The following CTSB variants were observed in gnomAD, a reference collection of about 807,000 sequenced individuals.
CTSB encodes the protein APP secretase.
A neutral mutation model predicts 44.3 loss-of-function variants in CTSB; 57 were observed. The observed-to-expected ratio is 1.29, with a 90% CI of 1.04 to 1.60. The LOEUF is 1.60. Ranked by LOEUF, CTSB falls within the 40% of genes most tolerant of loss-of-function variation. The pLI is 0.00. For missense variants in CTSB, 768 were observed against 443.0 expected (o/e 1.73, Z -6.59); for synonymous variants, 320 against 168.0 (o/e 1.91, Z -7.00).
At chr8:11,860,581 A>G (rs1586184967) in intron 1 of CTSB, among the ~76,000 whole-genome samples, 1 of 152,172 alleles carries the variant, frequency 6.6e-6, no homozygotes, top group South Asian at 2.1e-4. Flanking sequence ...CTGAGATCGC[A>G]CCATTGCACT....
Position 11,849,027 on chromosome 8 carries a change from G to A in CTSB, c.446+19C>T, listed in dbSNP as rs776642185. The A allele has an allele frequency of 6.3e-7, 1 of 1,586,630 alleles. No homozygotes were observed. Among genetic ancestry groups the A allele is most frequent in the Non-Finnish European group, 8.6e-7 (1 of 1,156,294 alleles). ...GTCTCTCAGCACTAAACCCGCTGTG[G>A]AAGCACAGCCTGACTCACCCGTCCC... On this transcript the variant is annotated intron_variant, in intron 5 of 9. Coordinates refer to ENST00000353047, the MANE Select transcript of CTSB (RefSeq NM_001908.5).
intron 1 of CTSB, among the ~76,000 whole-genome samples, chr8:11,860,213 C>T (rs1438937758): frequency 6.6e-6 from 1 of 152,196 alleles, no homozygotes; most frequent in African/African-American, 2.4e-5. Flanking sequence ...TAGCTCCTGG[C>T]TGATAGACAA....
At chr8:11,862,541 G>T (rs972754424) in intron 1 of CTSB, 4 of 152,228 alleles carry the variant, frequency 2.6e-5, no homozygotes, top group African/African-American at 7.2e-5. Flanking sequence ...AAGTTGATTT[G>T]TTCTGCTGTC....
At chr8:11,859,516 T>C (rs1437063450) in intron 1 of CTSB, among the ~76,000 whole-genome samples, 1 of 151,980 alleles carries the variant, frequency 6.6e-6, no homozygotes, top group Non-Finnish European at 1.5e-5. Context: ...ATCCCAGCGC[T>C]TTGGGAGGTC....
At chr8:11,866,478 C>G (rs1402476943) in intron 1 of CTSB, among the ~76,000 whole-genome samples, 1 of 152,240 alleles carries the variant, frequency 6.6e-6, no homozygotes, top group Non-Finnish European at 1.5e-5. Context: ...CCTCTGTTCT[C>G]CAGGAGACGT....
At chr8:11,862,549 G>C (rs1816589420) in intron 1 of CTSB, 1 of 152,250 alleles carries the variant, frequency 6.6e-6, no homozygotes, top group African/African-American at 2.4e-5. Context: ...TTGTTCTGCT[G>C]TCTTGACTGC....
chr8:11,865,951 G>A (rs187920755), intron 1 of CTSB, among the ~76,000 whole-genome samples: 120 of 149,834 alleles, frequency 8.0e-4, no homozygotes, highest in African/African-American at 2.6e-3. Flanking sequence ...CATGAGAGGC[G>A]GAGGTGGCAG....
In CTSB at chr8:11,845,128, G is replaced by C. The variant is rs752622133; in HGVS notation, c.1017C>G (p.Ile339Met). 3 of 1,610,522 alleles carry C rather than the reference G, an allele frequency of 1.9e-6. No homozygotes were observed. Among genetic ancestry groups the C allele is most frequent in the Admixed American group, 1.7e-5 (1 of 60,012 alleles). The change falls in exon 10 of 10, where the codon ATC becomes ATG. Residue 339 changes from isoleucine to methionine, a missense_variant. By Grantham distance (10) the Ile-to-Met change is conservative (BLOSUM62 1). Transcript: ENST00000353047. Reference sequence around the variant, plus strand: ...GGCACGACAGGCCCACGGCAGATTAGATCTTTTCCCAGTACTGATCGGTGC... The same window carrying C: ...GGCACGACAGGCCCACGGCAGATTACATCTTTTCCCAGTACTGATCGGTGC... Reference protein sequence around the residue: ...IPRTDQYWEKI With the variant: ...IPRTDQYWEKM
intron 1 of CTSB, among the ~76,000 whole-genome samples, chr8:11,856,191 T>A (rs1586161626): frequency 7.7e-6 from 1 of 129,806 alleles, no homozygotes; most frequent in Admixed American, 7.5e-5. Flanking sequence ...GTGCCTGGGG[T>A]GGGTGGGCAC....
intron 8 of CTSB, chr8:11,846,201 TGAGGGA>T (rs1813301773): frequency 6.5e-6 from 1 of 152,748 alleles, no homozygotes; most frequent in Non-Finnish European, 1.5e-5. Context: ...CCTGAAGAGG[TGAGGGA>T]GGAGAAGGGA....
intron 8 of CTSB, chr8:11,846,212 A>C (rs978754944): frequency 6.5e-6 from 1 of 152,938 alleles, no homozygotes; most frequent in African/African-American, 2.4e-5. Context: ...GAGGGAGGAG[A>C]AGGGAGGACT....
chr8:11,859,864 G>A (rs1816127764), intron 1 of CTSB, among the ~76,000 whole-genome samples: 1 of 150,794 alleles, frequency 6.6e-6, no homozygotes, highest in Non-Finnish European at 1.5e-5. Flanking sequence ...CACGAGGTCA[G>A]GAGTTCAAGA....
chr8:11,859,319 A>G (rs1816011433), intron 1 of CTSB, among the ~76,000 whole-genome samples: 1 of 152,110 alleles, frequency 6.6e-6, no homozygotes, highest in Non-Finnish European at 1.5e-5. Context: ...GACTACCTTG[A>G]AGCCGTTTCC....
intron 5 of CTSB, chr8:11,848,354 C>A (rs760530612): frequency 4.4e-6 from 3 of 680,670 alleles, no homozygotes; most frequent in Non-Finnish European, 8.1e-6. Context: ...CCGCCAGCCC[C>A]ACCCCTGCCC....
At chr8:11,855,878 T>C (rs1372874149) in intron 1 of CTSB, among the ~76,000 whole-genome samples, 1 of 151,596 alleles carries the variant, frequency 6.6e-6, no homozygotes, top group African/African-American at 2.4e-5. Context: ...ATTACCCAGG[T>C]GTGGTGGCAG....
rs866403940 is a variant in CTSB at position 11,842,790 on chromosome 8, G to T, written c.*2335C>A. 1 of 142,920 alleles carries T rather than the reference G, an allele frequency of 7.0e-6. No individual in the cohort carries two copies. The highest frequency in any genetic ancestry group is 2.6e-5 in the African/African-American group (1 of 38,252). The allele number at this position is 142,920 out of a possible 1,614,324, so 8.9% of individuals were successfully genotyped here. ...TAGCTGGGATTACAGGCATGTGCCA[G>T]CATGCTTGGCTAATTTTGTATTTTT... On this transcript the variant is annotated 3_prime_UTR_variant, in exon 10 of 10. Transcript: ENST00000353047.
intron 5 of CTSB, 102 bp from the exon 6 acceptor site, chr8:11,848,254 C>T (rs1321292536): frequency 2.0e-6 from 2 of 993,502 alleles, no homozygotes; most frequent in Admixed American, 3.7e-5. Flanking sequence ...TGGACCCACC[C>T]CCAGCTGCAG....
rs373692462 is a variant in CTSB at position 11,845,118 on chromosome 8, C to G, written c.*7G>C. On this transcript the variant is annotated 3_prime_UTR_variant, in exon 10 of 10. Coordinates refer to ENST00000353047, the MANE Select transcript of CTSB (RefSeq NM_001908.5). ...CCCCAGGACTGGCACGACAGGCCCA[C>G]GGCAGATTAGATCTTTTCCCAGTAC... 1.2e-6 allele frequency: 2 copies of G among 1,603,914 alleles called. No individual in the cohort carries two copies. Among genetic ancestry groups the G allele is most frequent in the Admixed American group, 3.3e-5 (2 of 59,988 alleles).
rs1812749316 is a variant in CTSB, at chr8:11,844,010, G to A, written c.*1115C>T. 1 of 151,106 alleles carries A rather than the reference G, an allele frequency of 6.6e-6. No individual in the cohort carries two copies. The allele number at this position is 151,106 out of a possible 1,614,324, so 9.4% of individuals were successfully genotyped here. A position where few individuals can be genotyped will look rare whatever the true frequency, so the allele number is the denominator to read the frequency against. On this transcript the variant is annotated 3_prime_UTR_variant, in exon 10 of 10. Transcript: ENST00000353047. ...AAGGCGCCACTGCACTCCAGCCTGG[G>A]AGACGGAATCTCACTCTGTCAGTCA...
Sources: allele counts gnomAD v4.1 joint callset (sites outside exome capture counted in the v4.1 genomes callset), GRCh38; gene constraint gnomAD v4.1.1; transcripts MANE v1.5; gene names NCBI Gene and HGNC (gene_info 2026-07-23, HGNC 2026-07-21).